The following COL5A1 variants were observed in gnomAD, a reference collection of about 807,000 sequenced individuals.
COL5A1 encodes the protein collagen type V alpha 1 chain.
COL5A1 carries 16 observed loss-of-function variants against 263.7 expected under a neutral mutation model. That is an observed-to-expected ratio of 0.06 (90% confidence interval 0.04 to 0.09). The LOEUF (loss-of-function observed/expected upper bound fraction) is 0.09. Among genes scored for constraint, COL5A1 ranks in the 10% least tolerant of loss-of-function variants. COL5A1 has a pLI of 1.00. For synonymous variants in COL5A1, 1,012 were observed against 1,004.5 expected (o/e 1.01, Z -0.14); for missense variants, 2,036 against 2,540.5 (o/e 0.80, Z 4.27).
At chr9:134,709,781 G>T (rs895838713) in intron 4 of COL5A1, among the ~76,000 whole-genome samples, 2 of 152,208 alleles carry the variant, frequency 1.3e-5, no homozygotes, top group African/African-American at 4.8e-5. Context: ...AAGATATCTT[G>T]CTGGGCTGAC....
chr9:134,729,575 T>A (rs145677941), intron 6 of COL5A1, among the ~76,000 whole-genome samples: 95 of 60,652 alleles, frequency 1.6e-3, no homozygotes, highest in South Asian at 6.9e-3. Context: ...TGTGTGAGCG[T>A]GTGTGAGCGT....
At position 134,794,663 on chromosome 9, in the gene COL5A1, A is replaced by G. The variant is rs1021571117; in HGVS notation, c.2701-419A>G. On this transcript the variant is annotated intron_variant, in intron 32 of 65. Coordinates refer to ENST00000371817, the MANE Select transcript of COL5A1 (RefSeq NM_000093.5). The surrounding 1 kb of genome is among the most constrained non-coding windows in gnomAD (Gnocchi z 4.3). ...TAACTGTAGCAAAAGTAAATTATGT[A>G]TGAAAGGGGTTGACTTTCTTCTCTT... is the stretch of plus-strand genomic sequence containing the variant. Among the ~76,000 whole-genome samples, 4 of 152,210 alleles carry G rather than the reference A, an allele frequency of 2.6e-5. No homozygotes were observed. Among genetic ancestry groups the G allele is most frequent in the African/African-American group, 9.6e-5 (4 of 41,460 alleles).
chr9:134,753,642 G>A lies in COL5A1; in HGVS notation c.1720-208G>A, dbSNP rs149251155. Among the ~76,000 whole-genome samples the A allele has an allele frequency of 3.2e-3, 484 of 152,328 alleles. 3 individuals carry two copies. Among genetic ancestry groups the A allele is most frequent in the African/African-American group, 0.011 (454 of 41,570 alleles). On this transcript the variant is annotated intron_variant, in intron 14 of 65. Transcript: ENST00000371817. ...AGAATTGTATTCCTGATTAGGAAGA[G>A]ATCCAAACAACTGCATTTCCCGGCT...
chr9:134,695,951 C>T (rs546574245), intron 2 of COL5A1, among the ~76,000 whole-genome samples: 1 of 152,234 alleles, frequency 6.6e-6, no homozygotes, highest in South Asian at 2.1e-4. Context: ...GAAATTCCTT[C>T]TGCAGGGCTG....
intron 11 of COL5A1, among the ~76,000 whole-genome samples, chr9:134,750,027 T>A (rs1835716249): frequency 6.6e-6 from 1 of 152,188 alleles, no homozygotes. Context: ...CTGTGTTGCG[T>A]GTCCATCCAC....
chr9:134,747,694 CAT>C (rs770697465), intron 11 of COL5A1, among the ~76,000 whole-genome samples: 56 of 151,754 alleles, frequency 3.7e-4, no homozygotes, highest in East Asian at 5.9e-4. Context: ...CATGCAAACA[CAT>C]GCACACATGC....
chr9:134,805,323 C>T, intron 41 of COL5A1, 109 bp downstream of exon 41: 1 of 1,293,958 alleles, frequency 7.7e-7, no homozygotes, highest in Non-Finnish European at 1.1e-6. Context: ...CCCCGAGGAG[C>T]CTGGGGAGGA....
chr9:134,805,226 C>G lies in COL5A1; in HGVS notation c.3258+12C>G, dbSNP rs760991702. On this transcript the variant is annotated intron_variant, in intron 41 of 65. Coordinates refer to ENST00000371817, the MANE Select transcript of COL5A1 (RefSeq NM_000093.5). ...CACCAGGCCCTGCGGTGAGTCAAAG[C>G]CTTTGTCCCATCCTCTTTCTTGAAT... The G allele has an allele frequency of 2.5e-6, 4 of 1,613,756 alleles. No homozygotes were observed. The highest frequency in any genetic ancestry group is 3.4e-6 in the Non-Finnish European group (4 of 1,179,954).
Position 134,678,526 on chromosome 9 carries a change from A to T in COL5A1, c.110-12386A>T, listed in dbSNP as rs141322674. ...GTGCCAGCCCCGGGAAGCTGTCTGC[A>T]TCCCTGCAGGGCAAGCACCTGCTTC... On this transcript the variant is annotated intron_variant, in intron 1 of 65. Transcript: ENST00000371817. The surrounding 1 kb of genome is among the most constrained non-coding windows in gnomAD (Gnocchi z 5.5). 6.8e-4 allele frequency among the ~76,000 whole-genome samples: 104 copies of T among 152,270 alleles called. No homozygotes were observed. Among genetic ancestry groups the T allele is most frequent in the African/African-American group, 2.2e-3 (93 of 41,550 alleles).
chr9:134,650,796 A>G (rs903426610), intron 1 of COL5A1, among the ~76,000 whole-genome samples: 1 of 152,194 alleles, frequency 6.6e-6, no homozygotes, highest in Non-Finnish European at 1.5e-5. Context: ...TTTACACTGG[A>G]CCCTGCTCTG....
In COL5A1 at chr9:134,789,399, C is replaced by T. The variant is rs183885286; in HGVS notation, c.2700+191C>T. ...GACACTCTCCAGACGCTGGGCTGGG[C>T]AGGTATGTGATAGGAAGGGGCAGAG... On this transcript the variant is annotated intron_variant, in intron 32 of 65. Coordinates refer to ENST00000371817, the MANE Select transcript of COL5A1 (RefSeq NM_000093.5). This position sits in a 1 kb window ranked among gnomAD's most constrained non-coding sequence, Gnocchi z 4.8. Among the ~76,000 whole-genome samples the T allele has an allele frequency of 1.3e-4, 20 of 152,118 alleles. No individual in the cohort carries two copies. The East Asian group carries it at 3.7e-3, about 28-fold the overall frequency.
chr9:134,784,915 G>C, intron 29 of COL5A1, 74 bp from the exon 30 acceptor site: 2 of 1,274,220 alleles, frequency 1.6e-6, no homozygotes, highest in Non-Finnish European at 2.3e-6. Flanking sequence ...CTTGCTCCTT[G>C]CTCTCAGAAT....
chr9:134,772,729 A>T (rs1190745397), intron 25 of COL5A1, 61 bp from the exon 26 acceptor site: 1 of 1,537,160 alleles, frequency 6.5e-7, no homozygotes, highest in East Asian at 2.2e-5. Context: ...AGGGAGGGGA[A>T]GCGAGGGAGG....
chr9:134,719,739 G>A (rs1834389298), intron 4 of COL5A1, among the ~76,000 whole-genome samples: 1 of 152,194 alleles, frequency 6.6e-6, no homozygotes, highest in Non-Finnish European at 1.5e-5. Context: ...GAAGTAGGCG[G>A]CTGCCATCGT....
rs989753625 is a variant in COL5A1, at chr9:134,817,722, G to A, written c.4177-56G>A. On this transcript the variant is annotated intron_variant, in intron 53 of 65. Coordinates refer to ENST00000371817, the MANE Select transcript of COL5A1 (RefSeq NM_000093.5). ...ACCCTGAGCGCCTGCACCCGAGCTC[G>A]TCCCTCCACCCCTGCAGGCCACACT... 1.9e-5 allele frequency: 29 copies of A among 1,554,330 alleles called. No individual in the cohort carries two copies. In the East Asian group the frequency reaches 5.0e-4, roughly 27 times the overall value.
intron 25 of COL5A1, 70 bp downstream of exon 25, chr9:134,768,533 C>T (rs1378724265): frequency 1.4e-6 from 2 of 1,473,812 alleles, no homozygotes; most frequent in East Asian, 2.3e-5. Context: ...GGCTGCAGGC[C>T]CAGGCTCTTT....
chr9:134,708,086 G>C (rs1001659220), intron 4 of COL5A1, among the ~76,000 whole-genome samples: 1 of 152,218 alleles, frequency 6.6e-6, no homozygotes, highest in Non-Finnish European at 1.5e-5. Context: ...AGAGGACTGG[G>C]GAGGTGTCCG....
rs1385735358 is a variant in COL5A1 at position 134,757,371 on chromosome 9, C to T, written c.1881+553C>T. Among the ~76,000 whole-genome samples, 1 of 152,162 alleles carries T rather than the reference C, an allele frequency of 6.6e-6. No homozygotes were observed. The highest frequency in any genetic ancestry group is 1.5e-5 in the Non-Finnish European group (1 of 68,032). On this transcript the variant is annotated intron_variant, in intron 17 of 65. Transcript: ENST00000371817. This position sits in a 1 kb window ranked among gnomAD's most constrained non-coding sequence, Gnocchi z 6.2. Reference sequence around the variant, plus strand: ...TTGCCCCGGTCTTGGCTCACCCCTCCTCCTCGCCTCTTGGAAGCATTTGTC... The same window carrying T: ...TTGCCCCGGTCTTGGCTCACCCCTCTTCCTCGCCTCTTGGAAGCATTTGTC...
At chr9:134,739,491 C>T (rs1835224294) in intron 11 of COL5A1, among the ~76,000 whole-genome samples, 1 of 152,242 alleles carries the variant, frequency 6.6e-6, no homozygotes, top group Non-Finnish European at 1.5e-5. Context: ...GGTGTTCACG[C>T]CAGGGCCCTG....
Sources: allele counts gnomAD v4.1 joint callset (sites outside exome capture counted in the v4.1 genomes callset), GRCh38; gene constraint gnomAD v4.1.1; non-coding constraint Gnocchi (gnomAD v3.1); transcripts MANE v1.5; gene names NCBI Gene and HGNC (gene_info 2026-07-23, HGNC 2026-07-21).